The following BCKDHB variants were observed in gnomAD, a reference collection of about 807,000 sequenced individuals.
The protein encoded by BCKDHB is 2-oxoisovalerate dehydrogenase subunit beta, mitochondrial.
BCKDHB carries 41 observed loss-of-function variants against 48.5 expected under a neutral mutation model. That is an observed-to-expected ratio of 0.85 (90% confidence interval 0.66 to 1.10). BCKDHB has a LOEUF of 1.10. Among genes scored for constraint, BCKDHB ranks in the 50% least tolerant of loss-of-function variants. The pLI, the probability that BCKDHB is intolerant of heterozygous loss-of-function variation, is 0.00. For synonymous variants in BCKDHB, 201 were observed against 174.8 expected (o/e 1.15, Z -1.18); for missense variants, 496 against 494.2 (o/e 1.00, Z -0.03).
At chr6:80,455,653 T>C in the BCKDHB span, among the ~76,000 whole-genome samples, 1 of 151,758 alleles carries the variant, frequency 6.6e-6, no homozygotes, top group African/African-American at 2.4e-5. Context: ...ACCTATGCAA[T>C]GGGATATCCC....
At chr6:80,383,843 GTTAA>G in the BCKDHB span, among the ~76,000 whole-genome samples, 3 of 151,676 alleles carry the variant, frequency 2.0e-5, no homozygotes, top group Non-Finnish European at 4.4e-5. Flanking sequence ...TTAACATACA[GTTAA>G]TTGTGTTTTT....
intron 9 of BCKDHB, among the ~76,000 whole-genome samples, chr6:80,339,250 T>C (rs935918859): frequency 6.6e-6 from 1 of 152,182 alleles, no homozygotes; most frequent in Non-Finnish European, 1.5e-5. Context: ...GGGAATAAAT[T>C]GACGTACTCT....
the BCKDHB span, among the ~76,000 whole-genome samples, chr6:80,400,753 A>G: frequency 5.9e-5 from 9 of 152,170 alleles, no homozygotes; most frequent in Non-Finnish European, 1.0e-4. Context: ...TACCGTAAAG[A>G]CACATGCATG....
chr6:80,454,165 A>C, the BCKDHB span: 4 of 152,206 alleles, frequency 2.6e-5, no homozygotes, highest in Non-Finnish European at 4.4e-5. Flanking sequence ...CAACACTGTG[A>C]ACATAAGAAG....
chr6:80,386,670 G>A, the BCKDHB span, among the ~76,000 whole-genome samples: 1 of 152,196 alleles, frequency 6.6e-6, no homozygotes, highest in Non-Finnish European at 1.5e-5. Context: ...ATTGACAGCA[G>A]AGGTAAAGTG....
At chr6:80,244,864 T>A (rs2127922027) in intron 8 of BCKDHB, among the ~76,000 whole-genome samples, 1 of 152,274 alleles carries the variant, frequency 6.6e-6, no homozygotes, top group East Asian at 1.9e-4. Context: ...GGAATATTGG[T>A]TTAAAATATG....
At chr6:80,313,926 C>T (rs1490508735) in intron 9 of BCKDHB, among the ~76,000 whole-genome samples, 1 of 152,138 alleles carries the variant, frequency 6.6e-6, no homozygotes, top group Non-Finnish European at 1.5e-5. Flanking sequence ...ATTTCCTCCT[C>T]AACACTGCTT....
chr6:80,298,086 C>A (rs776959591), intron 9 of BCKDHB, among the ~76,000 whole-genome samples: 1 of 151,942 alleles, frequency 6.6e-6, no homozygotes, highest in Non-Finnish European at 1.5e-5. Context: ...TTAACTATAG[C>A]ACTCTTTAAA....
At chr6:80,402,745 A>G in the BCKDHB span, among the ~76,000 whole-genome samples, 4 of 151,922 alleles carry the variant, frequency 2.6e-5, no homozygotes, top group East Asian at 1.9e-4. Context: ...ATGTCTTACA[A>G]TTAAGTCTTT....
intron 9 of BCKDHB, among the ~76,000 whole-genome samples, chr6:80,275,700 C>T (rs1159817121): frequency 6.6e-6 from 1 of 151,576 alleles, no homozygotes; most frequent in Non-Finnish European, 1.5e-5. Flanking sequence ...GATAATTTTC[C>T]CATATAATTT....
chr6:80,184,593 T>G (rs936055405), intron 6 of BCKDHB, among the ~76,000 whole-genome samples: 3 of 152,204 alleles, frequency 2.0e-5, no homozygotes, highest in African/African-American at 7.2e-5. Flanking sequence ...TTTCAAGATT[T>G]AGAACTCCTT....
the BCKDHB span, among the ~76,000 whole-genome samples, chr6:80,361,003 C>CAAA: frequency 7.8e-4 from 92 of 117,618 alleles, 2 homozygotes; most frequent in East Asian, 1.9e-3. Context: ...GACTCCATCT[C>CAAA]AAAAAAAAAA....
intron 6 of BCKDHB, among the ~76,000 whole-genome samples, chr6:80,199,041 A>G (rs1582336974): frequency 6.6e-6 from 1 of 152,282 alleles, no homozygotes; most frequent in Non-Finnish European, 1.5e-5. Flanking sequence ...TGAATTCTAG[A>G]CAGTTACTGC....
the BCKDHB span, among the ~76,000 whole-genome samples, chr6:80,369,153 C>T: frequency 2.0e-5 from 3 of 147,424 alleles, no homozygotes; most frequent in African/African-American, 7.5e-5. Context: ...ATTTGATGAA[C>T]TTTAATTATG....
At chr6:80,198,984 TAAGCCTAGATGCCGG>T (rs1045302669) in intron 6 of BCKDHB, among the ~76,000 whole-genome samples, 1 of 152,312 alleles carries the variant, frequency 6.6e-6, no homozygotes, top group African/African-American at 2.4e-5. Context: ...TTGATACTAC[TAAGCCTAGATGCCGG>T]ATTTGCCTCC....
At chr6:80,318,669 A>C (rs1768561031) in intron 9 of BCKDHB, among the ~76,000 whole-genome samples, 1 of 147,608 alleles carries the variant, frequency 6.8e-6, no homozygotes, top group African/African-American at 2.5e-5. Context: ...TGGGTGACAG[A>C]GTGAGACTCT....
intron 8 of BCKDHB, among the ~76,000 whole-genome samples, 183 bp downstream of exon 8, chr6:80,203,395 A>T (rs957190824): frequency 2.6e-5 from 4 of 152,132 alleles, no homozygotes; most frequent in African/African-American, 4.8e-5. Context: ...GAAACAAATC[A>T]CTATAGAATT....
At chr6:80,395,036 A>G in the BCKDHB span, among the ~76,000 whole-genome samples, 1 of 152,184 alleles carries the variant, frequency 6.6e-6, no homozygotes, top group Non-Finnish European at 1.5e-5. Context: ...AGGCCCTCCC[A>G]GCCATGTGGA....
chr6:80,337,948 G>A (rs1769681763), intron 9 of BCKDHB, among the ~76,000 whole-genome samples: 1 of 152,080 alleles, frequency 6.6e-6, no homozygotes, highest in African/African-American at 2.4e-5. Flanking sequence ...AGTTTTGCAG[G>A]AAAAGAAAGG....
Sources: allele counts gnomAD v4.1 joint callset (sites outside exome capture counted in the v4.1 genomes callset), GRCh38; gene constraint gnomAD v4.1.1; transcripts MANE v1.5; gene names NCBI Gene and HGNC (gene_info 2026-07-23, HGNC 2026-07-21).